IGBP1C: variants seen among roughly 807,000 people sequenced by gnomAD.
The protein encoded by IGBP1C is IGBP1 family member C.
the IGBP1C span, among the ~76,000 whole-genome samples, chr17:58,681,412 G>A: frequency 1.3e-5 from 2 of 152,148 alleles, no homozygotes; most frequent in Non-Finnish European, 2.9e-5. Flanking sequence ...CAAGTCTGAT[G>A]TTCTGACAGT....
chr17:58,661,150 G>A, the IGBP1C span: 1 of 828,446 alleles, frequency 1.2e-6, no homozygotes, highest in Non-Finnish European at 2.2e-6. Context: ...CCATAGCAAC[G>A]AGGCTAGGAT....
At chr17:58,687,536 A>T in the IGBP1C span, among the ~76,000 whole-genome samples, 1 of 152,048 alleles carries the variant, frequency 6.6e-6, no homozygotes, top group East Asian at 1.9e-4. Flanking sequence ...GGGTTTCACC[A>T]TGTTGGCCAG....
At chr17:58,679,710 A>C in the IGBP1C span, 1 of 152,184 alleles carries the variant, frequency 6.6e-6, no homozygotes, top group African/African-American at 2.4e-5. Context: ...GCGCTGCCTG[A>C]GAGTTCACCC....
At chr17:58,685,170 A>C in the IGBP1C span, among the ~76,000 whole-genome samples, 15 of 151,910 alleles carry the variant, frequency 9.9e-5, no homozygotes, top group African/African-American at 3.6e-4. Flanking sequence ...CTAGTTTTGA[A>C]GGACCTGTTT....
chr17:58,688,265 T>C, the IGBP1C span, among the ~76,000 whole-genome samples: 1 of 151,998 alleles, frequency 6.6e-6, no homozygotes, highest in Non-Finnish European at 1.5e-5. Context: ...GGACTATAGG[T>C]ACCCTCCACC....
At chr17:58,687,362 C>A in the IGBP1C span, among the ~76,000 whole-genome samples, 1 of 152,126 alleles carries the variant, frequency 6.6e-6, no homozygotes, top group Non-Finnish European at 1.5e-5. Context: ...TACCCCCTGA[C>A]CCCTTCTTCC....
At chr17:58,672,561 G>A in the IGBP1C span, among the ~76,000 whole-genome samples, 2 of 152,164 alleles carry the variant, frequency 1.3e-5, no homozygotes, top group Non-Finnish European at 2.9e-5. Context: ...AGCCTCCCGA[G>A]TAGCTGGGAT....
At chr17:58,678,729 C>T in the IGBP1C span, among the ~76,000 whole-genome samples, 5 of 151,446 alleles carry the variant, frequency 3.3e-5, no homozygotes, top group Admixed American at 6.6e-5. Context: ...ATGTAAATGA[C>T]GAGTTAATGG....
At chr17:58,663,683 G>T in the IGBP1C span, among the ~76,000 whole-genome samples, 2 of 152,022 alleles carry the variant, frequency 1.3e-5, no homozygotes, top group Non-Finnish European at 2.9e-5. Context: ...GGCCAGGCTG[G>T]TCTTGAACTC....
At chr17:58,684,357 G>A in the IGBP1C span, among the ~76,000 whole-genome samples, 1 of 151,986 alleles carries the variant, frequency 6.6e-6, no homozygotes, top group East Asian at 1.9e-4. Flanking sequence ...AGCTATCTGG[G>A]AGGCTGATAC....
chr17:58,661,171 G>A, the IGBP1C span: 3 of 808,836 alleles, frequency 3.7e-6, no homozygotes, highest in South Asian at 2.7e-5. Flanking sequence ...AAGCCGTGGA[G>A]GTAATAGCAC....
chr17:58,679,709 G>C, the IGBP1C span: 1 of 152,188 alleles, frequency 6.6e-6, no homozygotes, highest in African/African-American at 2.4e-5. Flanking sequence ...AGCGCTGCCT[G>C]AGAGTTCACC....
chr17:58,661,500 G>A, the IGBP1C span: 3 of 780,776 alleles, frequency 3.8e-6, no homozygotes, highest in Non-Finnish European at 7.2e-6. Context: ...GAACCGGTGG[G>A]TTCAGTCGCT....
At chr17:58,660,473 C>T in the IGBP1C span, 1 of 602,550 alleles carries the variant, frequency 1.7e-6, no homozygotes, top group Non-Finnish European at 3.0e-6. Context: ...GCATCTTTGC[C>T]TTCGTTTTAC....
At chr17:58,674,798 G>C in the IGBP1C span, among the ~76,000 whole-genome samples, 1 of 148,262 alleles carries the variant, frequency 6.7e-6, no homozygotes, top group Non-Finnish European at 1.5e-5. Flanking sequence ...TCAATAAAGT[G>C]GTTAAAAAAA....
At chr17:58,684,630 CAAAT>C in the IGBP1C span, among the ~76,000 whole-genome samples, 30,295 of 140,082 alleles carry the variant, frequency 0.22, 3,868 homozygotes, top group East Asian at 0.35. Flanking sequence ...GACCCTGTCT[CAAAT>C]AAATAAATAA....
the IGBP1C span, among the ~76,000 whole-genome samples, chr17:58,689,179 C>T: frequency 2.0e-5 from 3 of 151,988 alleles, no homozygotes; most frequent in East Asian, 1.9e-4. Flanking sequence ...CCGCCCACCT[C>T]GGCCTCCCAA....
At chr17:58,672,145 T>A in the IGBP1C span, among the ~76,000 whole-genome samples, 1 of 152,094 alleles carries the variant, frequency 6.6e-6, no homozygotes, top group Non-Finnish European at 1.5e-5. Flanking sequence ...GGTTTCACGC[T>A]CCTATGAGAA....
chr17:58,688,998 TTGG>T, the IGBP1C span, among the ~76,000 whole-genome samples: 1 of 152,058 alleles, frequency 6.6e-6, no homozygotes, highest in African/African-American at 2.4e-5. Flanking sequence ...TGGCATGATC[TTGG>T]CTCACTGCAA....
Sources: gnomAD v4.1 joint callset for allele counts (sites outside exome capture counted in the v4.1 genomes callset) on GRCh38, gnomAD v4.1.1 for gene constraint, MANE v1.5 for transcripts, NCBI Gene and HGNC (gene_info 2026-07-23, HGNC 2026-07-21) for gene names.